FARP1: variants seen among roughly 807,000 people sequenced by gnomAD.
The protein encoded by FARP1 is FERM, ARH/RhoGEF and pleckstrin domain protein 1.
A neutral mutation model predicts 128.8 loss-of-function variants in FARP1; 52 were observed. That is an observed-to-expected ratio of 0.40 (90% confidence interval 0.32 to 0.51). FARP1 has a LOEUF of 0.51. FARP1 is among the 20% of genes least tolerant of loss of function. FARP1 has a pLI of 0.45. For synonymous variants in FARP1, 580 were observed against 551.8 expected, an observed-to-expected ratio of 1.05 and a Z score of -0.72; for missense variants, 1,333 against 1,367.9, an observed-to-expected ratio of 0.97 and a Z score of 0.40.
At chr13:98,424,752 C>G in intron 17 of FARP1, 102 bp downstream of exon 17, 1 of 790,282 alleles carries the variant, frequency 1.3e-6, no homozygotes, top group Non-Finnish European at 2.2e-6. Context: ...CATGCATCAC[C>G]TGATTTGACT....
rs1304375154 is a variant in FARP1, at chr13:98,361,573, C to T, written c.277-3822C>T. Among the ~76,000 whole-genome samples the T allele has an allele frequency of 4.6e-5, 7 of 152,198 alleles. No homozygotes were observed. In the East Asian group the frequency reaches 9.6e-4, roughly 21 times the overall value. ...TGGCTGGGACAGCAGGCTCCCAGTG[C>T]GCTCTCTGGTTAACTCACCCTCTCA... On this transcript the variant is annotated intron_variant, in intron 3 of 26. Transcript: ENST00000319562.
At chr13:98,368,026 T>G in intron 4 of FARP1, 91 bp from the exon 5 acceptor site, 1 of 985,656 alleles carries the variant, frequency 1.0e-6, no homozygotes, top group Non-Finnish European at 1.5e-6. Context: ...TGGAATGAGA[T>G]GCATTATTTG....
At chr13:98,185,017 C>T (rs1878769245) in intron 1 of FARP1, among the ~76,000 whole-genome samples, 1 of 152,158 alleles carries the variant, frequency 6.6e-6, no homozygotes, top group Non-Finnish European at 1.5e-5. Flanking sequence ...CATCATTGCA[C>T]ACAGAGTTAG....
chr13:98,284,924 A>G (rs1266828652), intron 2 of FARP1, among the ~76,000 whole-genome samples: 1 of 152,132 alleles, frequency 6.6e-6, no homozygotes, highest in African/African-American at 2.4e-5. Flanking sequence ...AGATGGGAAA[A>G]TGTCACTCCT....
intron 2 of FARP1, among the ~76,000 whole-genome samples, chr13:98,254,008 G>T (rs1183140115): frequency 6.6e-6 from 1 of 152,130 alleles, no homozygotes; most frequent in Non-Finnish European, 1.5e-5. Flanking sequence ...ATACAGCTTT[G>T]AAAATACCAC....
At chr13:98,437,101 C>T (rs1236097023) in intron 19 of FARP1, among the ~76,000 whole-genome samples, 1 of 152,136 alleles carries the variant, frequency 6.6e-6, no homozygotes, top group African/African-American at 2.4e-5. Context: ...TGACATAATA[C>T]ATATTAATTA....
chr13:98,307,175 G>T (rs1157805305), intron 2 of FARP1, among the ~76,000 whole-genome samples: 14 of 152,224 alleles, frequency 9.2e-5, no homozygotes, highest in African/African-American at 3.4e-4. Context: ...AGATTAGAAA[G>T]CCGGAGAAAG....
At chr13:98,268,061 C>T (rs76448972) in intron 2 of FARP1, among the ~76,000 whole-genome samples, 3,779 of 152,264 alleles carry the variant, frequency 0.025, 169 homozygotes, top group African/African-American at 0.086. Flanking sequence ...AACTTTTTCA[C>T]GCTGCAGAAC....
chr13:98,323,791 A>G (rs556279203), intron 2 of FARP1, among the ~76,000 whole-genome samples: 32 of 152,338 alleles, frequency 2.1e-4, no homozygotes, highest in Non-Finnish European at 3.8e-4. Flanking sequence ...TACTATTTGC[A>G]GTTAACTTTA....
At chr13:98,408,639 A>G (rs1204022875) in intron 13 of FARP1, among the ~76,000 whole-genome samples, 1 of 152,108 alleles carries the variant, frequency 6.6e-6, no homozygotes, top group Non-Finnish European at 1.5e-5. Context: ...ACATTTTCAT[A>G]TTACTATGGT....
At chr13:98,275,626 C>CTTTT (rs1566822544) in intron 2 of FARP1, among the ~76,000 whole-genome samples, 1 of 140,524 alleles carries the variant, frequency 7.1e-6, no homozygotes, top group Non-Finnish European at 1.5e-5. Flanking sequence ...TTCTCTTTCT[C>CTTTT]TCTTTTTTTT....
Position 98,448,367 on chromosome 13 carries a change from C to T in FARP1, c.*50C>T. 1 of 1,398,868 alleles carries T rather than the reference C, an allele frequency of 7.1e-7. No homozygotes were observed. Among genetic ancestry groups the T allele is most frequent in the Non-Finnish European group, 1.0e-6 (1 of 983,572 alleles). The allele number at this position is 1,398,868 out of a possible 1,614,324, so 86.7% of individuals were successfully genotyped here. On this transcript the variant is annotated 3_prime_UTR_variant, in exon 27 of 27. Transcript: ENST00000319562. ...GTGGCTGCTTTCCTGGAAGACGTTTCCTTTCTTCTGTATTAATGAAGCCTG... is the reference window on the plus strand; with the variant it reads ...GTGGCTGCTTTCCTGGAAGACGTTTTCTTTCTTCTGTATTAATGAAGCCTG...
At chr13:98,370,128 T>C (rs1889263756) in intron 5 of FARP1, among the ~76,000 whole-genome samples, 1 of 152,224 alleles carries the variant, frequency 6.6e-6, no homozygotes, top group South Asian at 2.1e-4. Context: ...GGGTGATGAC[T>C]TCAGGCTGGT....
chr13:98,222,946 C>T (rs1162976785), intron 2 of FARP1, among the ~76,000 whole-genome samples: 2 of 151,898 alleles, frequency 1.3e-5, no homozygotes, highest in South Asian at 2.1e-4. Flanking sequence ...GGAAGGTGCT[C>T]TTAAGTGGGC....
At position 98,177,663 on chromosome 13, in the gene FARP1, A is replaced by C. The variant is rs529841946; in HGVS notation, c.-24+34171A>C. Among the ~76,000 whole-genome samples, 467 of 104,244 alleles carry C rather than the reference A, an allele frequency of 4.5e-3. 1 individual carries two copies. The highest frequency in any genetic ancestry group is 9.0e-3 in the Non-Finnish European group (375 of 41,582). The allele number at this position is 104,244 out of a possible 152,430, so 68.4% of individuals were successfully genotyped here. A position where few individuals can be genotyped will look rare whatever the true frequency, so the allele number is the denominator to read the frequency against. On this transcript the variant is annotated intron_variant, in intron 1 of 26. Coordinates refer to ENST00000319562, the MANE Select transcript of FARP1 (RefSeq NM_005766.4). ...CCCTGTCTCAAATTAAAAAAAAAAA[A>C]ACCAAAAAAAAAGGCTTCTCCCGCC... is the stretch of plus-strand genomic sequence containing the variant.
intron 2 of FARP1, among the ~76,000 whole-genome samples, chr13:98,231,743 A>C (rs1399779203): frequency 6.6e-6 from 1 of 152,008 alleles, no homozygotes; most frequent in African/African-American, 2.4e-5. Context: ...TCTGTTTTGG[A>C]GTTCAGATTT....
chr13:98,225,503 T>C (rs1881703899), intron 2 of FARP1, among the ~76,000 whole-genome samples: 1 of 152,234 alleles, frequency 6.6e-6, no homozygotes, highest in Non-Finnish European at 1.5e-5. Context: ...CACTCCCTCA[T>C]GAAACCAAGA....
At chr13:98,265,392 T>G (rs1392968599) in intron 2 of FARP1, among the ~76,000 whole-genome samples, 1 of 135,218 alleles carries the variant, frequency 7.4e-6, no homozygotes, top group Non-Finnish European at 1.5e-5. Flanking sequence ...GGATCTCGGC[T>G]CACTGCAAGC....
rs542115065 is a variant in FARP1 at position 98,381,776 on chromosome 13, A to G, written c.497-2954A>G. Reference sequence around the variant, plus strand: ...ATTTTGGTTTGCTGCTGTTTTTCCTATTAATTACTTTGCTGAGTAGACTGC... The same window carrying G: ...ATTTTGGTTTGCTGCTGTTTTTCCTGTTAATTACTTTGCTGAGTAGACTGC... On this transcript the variant is annotated intron_variant, in intron 6 of 26. Transcript: ENST00000319562. 3 of 152,326 alleles carry G rather than the reference A, an allele frequency of 2.0e-5. No individual in the cohort carries two copies. In the East Asian group the frequency reaches 5.8e-4, roughly 29 times the overall value. 9.4% of individuals were successfully genotyped at this position (152,326 alleles called of 1,614,324 possible).
Sources: allele counts gnomAD v4.1 joint callset (sites outside exome capture counted in the v4.1 genomes callset), GRCh38; gene constraint gnomAD v4.1.1; transcripts MANE v1.5; gene names NCBI Gene and HGNC (gene_info 2026-07-23, HGNC 2026-07-21).